The following DNAJC13 variants were observed in gnomAD, a reference collection of about 807,000 sequenced individuals.
The protein encoded by DNAJC13 is dnaJ homolog subfamily C member 13.
In DNAJC13, 75 loss-of-function variants were observed where a neutral mutation model predicts 290.5. The observed-to-expected ratio is 0.26, with a 90% CI of 0.21 to 0.31. The LOEUF is 0.31. Ranked by LOEUF, DNAJC13 falls within the 10% of genes least tolerant of loss-of-function variation. DNAJC13 has a pLI of 1.00. For synonymous variants in DNAJC13, 862 were observed against 892.0 expected, an observed-to-expected ratio of 0.97 and a Z score of 0.60; for missense variants, 2,260 against 2,674.5, an observed-to-expected ratio of 0.85 and a Z score of 3.42.
chr3:132,463,384 G>A (rs185487754), intron 16 of DNAJC13, among the ~76,000 whole-genome samples: 27 of 152,156 alleles, frequency 1.8e-4, no homozygotes, highest in African/African-American at 4.1e-4. Flanking sequence ...CAGAGCTTGC[G>A]ATAGCCAAGC....
Position 132,516,413 on chromosome 3 carries a change from A to T in DNAJC13, c.5486-9A>T, listed in dbSNP as rs746223831. The T allele has an allele frequency of 1.2e-6, 2 of 1,613,154 alleles. No homozygotes were observed. The highest frequency in any genetic ancestry group is 2.7e-5 in the African/African-American group (2 of 74,802). The stretch of plus-strand genomic sequence containing the variant: ...TGATGCATTCCTTGAAATGTCTTTT[A>T]CTCTGCAGGTCGTCAGCTTGTTCTG... On this transcript the variant is annotated splice_polypyrimidine_tract_variant and intron_variant, in intron 46 of 55. Coordinates refer to ENST00000260818, the MANE Select transcript of DNAJC13 (RefSeq NM_015268.4).
At chr3:132,509,157 G>C (rs1309225623) in intron 43 of DNAJC13, among the ~76,000 whole-genome samples, 1 of 152,226 alleles carries the variant, frequency 6.6e-6, no homozygotes, top group African/African-American at 2.4e-5. Flanking sequence ...CTTCTGGAAA[G>C]GATTCACCTT....
chr3:132,457,633 A>C (rs994072022), intron 13 of DNAJC13: 1 of 300,576 alleles, frequency 3.3e-6, no homozygotes, highest in Non-Finnish European at 6.2e-6. Context: ...GTACAAGGTA[A>C]GGTAGTAGGG....
intron 1 of DNAJC13, among the ~76,000 whole-genome samples, chr3:132,419,546 T>C (rs763395000): frequency 6.6e-6 from 1 of 152,210 alleles, no homozygotes; most frequent in Non-Finnish European, 1.5e-5. Context: ...CGGTTCTCAA[T>C]AGGTCCCAAA....
intron 55 of DNAJC13, among the ~76,000 whole-genome samples, chr3:132,533,365 T>A (rs1460331275): frequency 1.4e-5 from 2 of 141,012 alleles, no homozygotes; most frequent in Non-Finnish European, 3.0e-5. Flanking sequence ...AGACAGAGTC[T>A]TGGTCTGTTG....
At chr3:132,443,180 A>C (rs1933125982) in intron 2 of DNAJC13, among the ~76,000 whole-genome samples, 1 of 151,994 alleles carries the variant, frequency 6.6e-6, no homozygotes, top group African/African-American at 2.4e-5. Context: ...ATTTTTTTTG[A>C]GACGGAGTCT....
intron 29 of DNAJC13, among the ~76,000 whole-genome samples, 173 bp downstream of exon 29, chr3:132,484,845 G>A (rs986936725): frequency 6.6e-6 from 1 of 152,124 alleles, no homozygotes; most frequent in East Asian, 1.9e-4. Context: ...GAGGCGGGAG[G>A]GTTGCTTGAG....
intron 1 of DNAJC13, among the ~76,000 whole-genome samples, chr3:132,427,281 C>T (rs1229821182): frequency 6.6e-6 from 1 of 151,558 alleles, no homozygotes; most frequent in Non-Finnish European, 1.5e-5. Context: ...GACTATAGGC[C>T]TGTGCCATGA....
intron 41 of DNAJC13, 43 bp from the exon 42 acceptor site, chr3:132,505,259 G>A (rs753627684): frequency 7.7e-7 from 1 of 1,293,602 alleles, no homozygotes; most frequent in South Asian, 1.3e-5. Flanking sequence ...ATGTCAATAA[G>A]TTTTTTCACT....
intron 48 of DNAJC13, among the ~76,000 whole-genome samples, chr3:132,518,883 A>T (rs546384492): frequency 2.6e-5 from 4 of 152,096 alleles, no homozygotes; most frequent in Non-Finnish European, 5.9e-5. Flanking sequence ...ACAACCACTG[A>T]TCTATTTCCT....
intron 48 of DNAJC13, among the ~76,000 whole-genome samples, chr3:132,520,021 C>T (rs150816131): frequency 2.8e-3 from 429 of 152,266 alleles, no homozygotes; most frequent in Non-Finnish European, 4.1e-3. Context: ...GACTTACTAT[C>T]ACGAGAACAG....
intron 41 of DNAJC13, among the ~76,000 whole-genome samples, chr3:132,504,363 A>C (rs1210983313): frequency 1.3e-5 from 2 of 150,722 alleles, no homozygotes; most frequent in Non-Finnish European, 2.9e-5. Context: ...TTCCTAAAAC[A>C]CTAGACGACC....
chr3:132,475,655 A>C (rs1451729872), intron 22 of DNAJC13, among the ~76,000 whole-genome samples: 2 of 152,192 alleles, frequency 1.3e-5, no homozygotes, highest in Non-Finnish European at 2.9e-5. Flanking sequence ...TTTGATCTTT[A>C]ACCCAGTTGC....
intron 1 of DNAJC13, among the ~76,000 whole-genome samples, chr3:132,429,409 A>G (rs1218916570): frequency 6.6e-6 from 1 of 152,180 alleles, no homozygotes; most frequent in African/African-American, 2.4e-5. Flanking sequence ...ATCGCTTACC[A>G]GCTGTGTTAC....
intron 48 of DNAJC13, among the ~76,000 whole-genome samples, chr3:132,518,533 T>C (rs1214662557): frequency 1.3e-5 from 2 of 152,080 alleles, no homozygotes; most frequent in Non-Finnish European, 1.5e-5. Context: ...TTGTATTTTT[T>C]TGTAGAGGTG....
At chr3:132,425,276 A>G (rs1939060371) in intron 1 of DNAJC13, among the ~76,000 whole-genome samples, 2 of 152,164 alleles carry the variant, frequency 1.3e-5, no homozygotes, top group Admixed American at 6.5e-5. Flanking sequence ...ATTAGTTCCT[A>G]TGATGTGAAT....
intron 1 of DNAJC13, among the ~76,000 whole-genome samples, chr3:132,425,535 A>C (rs1418601618): frequency 6.6e-6 from 1 of 152,164 alleles, no homozygotes; most frequent in Non-Finnish European, 1.5e-5. Flanking sequence ...TTTTTTATGC[A>C]TTTCAAAACA....
chr3:132,452,929 G>C (rs990402218), intron 6 of DNAJC13, among the ~76,000 whole-genome samples: 16 of 152,308 alleles, frequency 1.1e-4, no homozygotes, highest in African/African-American at 3.8e-4. Context: ...TTAAATCAGA[G>C]CTGCGTTGTT....
intron 1 of DNAJC13, among the ~76,000 whole-genome samples, chr3:132,432,626 A>G (rs1313645453): frequency 6.6e-6 from 1 of 152,262 alleles, no homozygotes; most frequent in Non-Finnish European, 1.5e-5. Context: ...AGTATTTTCA[A>G]AACCTATCAG....
Sources: allele counts gnomAD v4.1 joint callset (sites outside exome capture counted in the v4.1 genomes callset), GRCh38; gene constraint gnomAD v4.1.1; transcripts MANE v1.5; gene names NCBI Gene and HGNC (gene_info 2026-07-23, HGNC 2026-07-21).